Variants in MVB12B observed in about 807,000 individuals in gnomAD.
MVB12B encodes the protein ESCRT-I complex subunit MVB12B.
A neutral mutation model predicts 41.6 loss-of-function variants in MVB12B; 16 were observed. That is an observed-to-expected ratio of 0.38 (90% CI 0.26 to 0.58). The LOEUF (loss-of-function observed/expected upper bound fraction) is 0.58. Ranked by LOEUF, MVB12B falls within the 20% of genes least tolerant of loss-of-function variation. MVB12B has a pLI of 0.62. For missense variants in MVB12B, 274 were observed against 380.2 expected (o/e 0.72, Z 2.32); for synonymous variants, 133 against 139.7 (o/e 0.95, Z 0.34).
chr9:126,476,604 C>T (rs11790421), intron 7 of MVB12B, among the ~76,000 whole-genome samples: 39,618 of 152,022 alleles, frequency 0.26, 5,333 homozygotes, highest in Middle Eastern at 0.31. Context: ...CTGCCGGTCG[C>T]GGTGGCTCAC....
intron 6 of MVB12B, among the ~76,000 whole-genome samples, chr9:126,413,849 T>TGTGTATGTGC (rs1831724624): frequency 6.7e-6 from 1 of 148,516 alleles, no homozygotes; most frequent in South Asian, 2.2e-4. Context: ...TGTGTGTGTG[T>TGTGTATGTGC]GTGTATAAGG....
In MVB12B at chr9:126,473,406, C is replaced by T. The variant is rs915245614; in HGVS notation, c.758-7963C>T. 2.0e-5 allele frequency among the ~76,000 whole-genome samples: 3 copies of T among 152,182 alleles called. No individual in the cohort carries two copies. Among genetic ancestry groups the T allele is most frequent in the Non-Finnish European group, 2.9e-5 (2 of 68,038 alleles). ...CAAGTGGTGTATTAGTTCATTCTTG[C>T]GTTACTATAAAGAAATACCTGAGAC... is the stretch of plus-strand genomic sequence containing the variant. On this transcript the variant is annotated intron_variant, in intron 7 of 9. Transcript: ENST00000361171. The surrounding 1 kb of genome is among the most constrained non-coding windows in gnomAD (Gnocchi z 4.0).
chr9:126,395,658 A>G lies in MVB12B; in HGVS notation c.623A>G (p.Gln208Arg). The change falls in exon 6 of 10, where the codon CAG becomes CGG. Residue 208 changes from glutamine (Q) to arginine (R), a missense_variant. Transcript: ENST00000361171. The surrounding 1 kb of genome is among the most constrained non-coding windows in gnomAD (Gnocchi z 4.9). ...TCATCTCAACCCACAACGCCTTCCC[A>G]GTCATCAGCTGCCTCCACCCCAGCC... ...HDSSQPTTPS[Q>R]SSAASTPAPN... The G allele has an allele frequency of 6.2e-7, 1 of 1,614,168 alleles. No homozygotes were observed. Among genetic ancestry groups the G allele is most frequent in the Non-Finnish European group, 8.5e-7 (1 of 1,180,024 alleles).
chr9:126,480,462 T>C lies in MVB12B; in HGVS notation c.758-907T>C, dbSNP rs183604612. Among the ~76,000 whole-genome samples, 313 of 152,320 alleles carry C rather than the reference T, an allele frequency of 2.1e-3. No homozygotes were observed. Among genetic ancestry groups the C allele is most frequent in the Non-Finnish European group, 3.4e-3 (231 of 68,016 alleles). ...TCTGAGGTTATAATTCATAGAGAAG[T>C]GCTCACTTACGGAGGCACACCCTGG... On this transcript the variant is annotated intron_variant, in intron 7 of 9. Transcript: ENST00000361171. The surrounding 1 kb of genome is among the most constrained non-coding windows in gnomAD (Gnocchi z 4.9).
At chr9:126,441,003 C>T (rs757562103) in intron 7 of MVB12B, among the ~76,000 whole-genome samples, 10 of 152,200 alleles carry the variant, frequency 6.6e-5, no homozygotes, top group African/African-American at 1.2e-4. Context: ...ATGAATGCGG[C>T]GAGGCCTGGG....
At chr9:126,440,994 T>A (rs1418108986) in intron 7 of MVB12B, among the ~76,000 whole-genome samples, 1 of 152,238 alleles carries the variant, frequency 6.6e-6, no homozygotes, top group Non-Finnish European at 1.5e-5. Flanking sequence ...TAGCGGATGA[T>A]GAATGCGGCG....
Position 126,459,534 on chromosome 9 carries a change from C to T in MVB12B, c.758-21835C>T, listed in dbSNP as rs1833047616. On this transcript the variant is annotated intron_variant, in intron 7 of 9. Coordinates refer to ENST00000361171, the MANE Select transcript of MVB12B (RefSeq NM_033446.3). This position sits in a 1 kb window ranked among gnomAD's most constrained non-coding sequence, Gnocchi z 4.3. ...CTCACCCCAGCAGCACGCGGGCACG[C>T]AGCCCACAGCAGCATTTCTCATGGT... is the stretch of plus-strand genomic sequence containing the variant. Among the ~76,000 whole-genome samples the T allele has an allele frequency of 6.6e-6, 1 of 152,234 alleles. No homozygotes were observed.
intron 7 of MVB12B, among the ~76,000 whole-genome samples, chr9:126,477,699 C>T (rs1197643581): frequency 1.3e-5 from 2 of 152,248 alleles, no homozygotes; most frequent in Non-Finnish European, 2.9e-5. Context: ...CACTGGCTCC[C>T]TCCCACAACT....
At chr9:126,348,811 T>A (rs1829667838) in intron 2 of MVB12B, among the ~76,000 whole-genome samples, 1 of 152,230 alleles carries the variant, frequency 6.6e-6, no homozygotes, top group South Asian at 2.1e-4. Context: ...AGATCCTGTT[T>A]ACCCCCCACC....
intron 2 of MVB12B, among the ~76,000 whole-genome samples, 181 bp from the exon 3 acceptor site, chr9:126,380,883 G>A (rs1261679005): frequency 1.3e-5 from 2 of 152,306 alleles, no homozygotes; most frequent in South Asian, 4.1e-4. Flanking sequence ...TTTAGAAGTT[G>A]TGTTTTTCAC....
chr9:126,476,059 A>G lies in MVB12B; in HGVS notation c.758-5310A>G, dbSNP rs1219971879. Among the ~76,000 whole-genome samples, 4 of 152,196 alleles carry G rather than the reference A, an allele frequency of 2.6e-5. No individual in the cohort carries two copies. The East Asian group carries it at 5.8e-4, about 22-fold the overall frequency. On this transcript the variant is annotated intron_variant, in intron 7 of 9. Coordinates refer to ENST00000361171, the MANE Select transcript of MVB12B (RefSeq NM_033446.3). ...CTGCTGCTGGTCCAGTCAGGAGCAC[A>G]TGGGCCGAGGGGTGGAGCGAGGCCG...
intron 9 of MVB12B, among the ~76,000 whole-genome samples, chr9:126,493,112 G>A (rs13300647): frequency 0.062 from 9,415 of 152,150 alleles, 414 homozygotes; most frequent in South Asian, 0.14. Context: ...CAAAATGTTC[G>A]TGGGCAATTT....
intron 5 of MVB12B, among the ~76,000 whole-genome samples, chr9:126,393,909 C>T (rs536563912): frequency 7.2e-5 from 11 of 152,238 alleles, no homozygotes; most frequent in African/African-American, 2.2e-4. Flanking sequence ...AGCCCAGAGC[C>T]GCCTTTGTAT....
chr9:126,341,023 A>G (rs924172883), intron 2 of MVB12B, among the ~76,000 whole-genome samples: 4 of 152,214 alleles, frequency 2.6e-5, no homozygotes, highest in Non-Finnish European at 5.9e-5. Flanking sequence ...ACAGTTTAAA[A>G]TGTTTCCTAC....
At chr9:126,351,559 G>A (rs1415273399) in intron 2 of MVB12B, among the ~76,000 whole-genome samples, 5 of 134,838 alleles carry the variant, frequency 3.7e-5, no homozygotes, top group Non-Finnish European at 6.1e-5. Flanking sequence ...TGCGATCTCA[G>A]CTCACTGCAA....
rs565551261 is a variant in MVB12B at position 126,503,447 on chromosome 9, C to T, written c.*184C>T. 1.5e-5 allele frequency: 9 copies of T among 601,014 alleles called. No individual in the cohort carries two copies. The highest frequency in any genetic ancestry group is 8.3e-5 in the East Asian group (3 of 36,188). The allele number at this position is 601,014 out of a possible 1,614,324, so 37.2% of individuals were successfully genotyped here. The stretch of plus-strand genomic sequence containing the variant: ...TCTTCAGCTGGCCTCACTGACACCC[C>T]GGCCTCCCTGGGGACATTGTTCATA... On this transcript the variant is annotated 3_prime_UTR_variant, in exon 10 of 10. Coordinates refer to ENST00000361171, the MANE Select transcript of MVB12B (RefSeq NM_033446.3).
At chr9:126,365,373 C>T (rs1468669568) in intron 2 of MVB12B, among the ~76,000 whole-genome samples, 2 of 144,030 alleles carry the variant, frequency 1.4e-5, no homozygotes, top group Non-Finnish European at 3.0e-5. Context: ...CGCTCTGTTG[C>T]CCAGGCTGGA....
chr9:126,432,516 A>G (rs1289294553), intron 7 of MVB12B, among the ~76,000 whole-genome samples: 5 of 152,270 alleles, frequency 3.3e-5, no homozygotes, highest in Non-Finnish European at 7.3e-5. Context: ...TTGCATTATT[A>G]AAATGGATTA....
chr9:126,472,139 G>A (rs965975898), intron 7 of MVB12B, among the ~76,000 whole-genome samples: 3 of 152,080 alleles, frequency 2.0e-5, no homozygotes, highest in African/African-American at 7.2e-5. Context: ...TAGGTATTCC[G>A]GGGCAATGGG....
Sources: allele counts gnomAD v4.1 joint callset (sites outside exome capture counted in the v4.1 genomes callset), GRCh38; gene constraint gnomAD v4.1.1; non-coding constraint Gnocchi (gnomAD v3.1); transcripts MANE v1.5; gene names NCBI Gene and HGNC (gene_info 2026-07-23, HGNC 2026-07-21).